Variants in LRP4 observed in about 807,000 individuals in gnomAD.
The protein encoded by LRP4 is low-density lipoprotein receptor-related protein 4.
LRP4 carries 95 observed loss-of-function variants against 220.3 expected under a neutral mutation model. That is an observed-to-expected ratio of 0.43 (90% CI 0.37 to 0.51). The LOEUF is 0.51. Among genes scored for constraint, LRP4 ranks in the 20% least tolerant of loss-of-function variants. The probability of loss-of-function intolerance (pLI) is 0.00; values close to 1 mark genes in which losing one functional copy is unlikely to be tolerated. For missense variants in LRP4, 1,925 were observed against 2,567.0 expected (o/e 0.75, Z 5.40); for synonymous variants, 903 against 954.6 (o/e 0.95, Z 1.00).
chr11:46,881,639 CT>C, intron 20 of LRP4, 62 bp downstream of exon 20: 1 of 1,494,738 alleles, frequency 6.7e-7, no homozygotes, highest in Non-Finnish European at 9.3e-7. Flanking sequence ...GTCCTGGAGG[CT>C]GTCAAGGCTG....
At chr11:46,865,301 C>T in intron 34 of LRP4, 115 bp from the exon 35 acceptor site, 4 of 750,046 alleles carry the variant, frequency 5.3e-6, no homozygotes. Context: ...TGAGAATGTA[C>T]AAGATGGAAG....
Position 46,875,429 on chromosome 11 carries a change from T to C in LRP4, c.3925+27A>G. 6.3e-7 allele frequency: 1 copy of C among 1,595,778 alleles called. No individual in the cohort carries two copies. Among genetic ancestry groups the C allele is most frequent in the Non-Finnish European group, 8.6e-7 (1 of 1,163,854 alleles). On this transcript the variant is annotated intron_variant, in intron 27 of 37. Transcript: ENST00000378623. This position sits in a 1 kb window ranked among gnomAD's most constrained non-coding sequence, Gnocchi z 4.5. Reference sequence around the variant, plus strand: ...GCCCCAGAAAGCCAGAGGCTCTGACTCACAGCCCCAGCCCTCTGACTCTCA... The same window carrying C: ...GCCCCAGAAAGCCAGAGGCTCTGACCCACAGCCCCAGCCCTCTGACTCTCA...
chr11:46,910,680 C>CTTTTTTATTT (rs1555175587), intron 1 of LRP4, among the ~76,000 whole-genome samples: 1 of 123,814 alleles, frequency 8.1e-6, no homozygotes, highest in African/African-American at 3.1e-5. Flanking sequence ...TCCTTGCCCC[C>CTTTTTTATTT]TTTTTTTTTT....
At position 46,874,807 on chromosome 11, in the gene LRP4, C is replaced by T. The variant is rs777975583; in HGVS notation, c.4222G>A (p.Val1408Ile). The change falls in exon 28 of 38, where the codon GTT becomes ATT. Residue 1408 changes from valine (V) to isoleucine (I), a missense_variant. This residue lies in a region of LRP4 where 1,244 missense variants were observed against 1,624.9 expected (regional missense o/e 0.77). Coordinates refer to ENST00000378623, the MANE Select transcript of LRP4 (RefSeq NM_002334.4). ...TTTCAGTGTTGCTCATACCTGATAA[C>T]ATCCAGGAACACATCTGTGTAATAG... ...KVYYTDVFLD[V>I]IRRADLNGSN... 4.0e-5 allele frequency: 65 copies of T among 1,613,540 alleles called. No homozygotes were observed. The highest frequency in any genetic ancestry group is 5.5e-5 in the Non-Finnish European group (65 of 1,179,546).
Position 46,876,585 on chromosome 11 carries a change from G to A in LRP4, c.3417C>T (p.Tyr1139=). The A allele has an allele frequency of 4.3e-6, 7 of 1,614,202 alleles. No individual in the cohort carries two copies. The East Asian group carries it at 6.7e-5, about 15-fold the overall frequency. The change falls in exon 25 of 38, where the codon TAC becomes TAT. Residue 1139 remains tyrosine, a synonymous_variant. Transcript: ENST00000378623. ...TCCGGTTTGTTCCCGTGTCTGTCCA[G>A]TATACTTTCCGGCCAATGGCATCAA... The part of the protein sequence containing the change: ...LAVDAIGRKV[Y]WTDTGTNRIE...
At chr11:46,895,358 C>A in intron 10 of LRP4, 67 bp from the exon 11 acceptor site, 2 of 1,598,290 alleles carry the variant, frequency 1.3e-6, no homozygotes. Flanking sequence ...CCCAGGCTGC[C>A]GAGCTGCTTT....
At chr11:46,886,241 AT>A in intron 17 of LRP4, 69 bp from the exon 18 acceptor site, 1 of 1,599,600 alleles carries the variant, frequency 6.3e-7, no homozygotes, top group Non-Finnish European at 8.6e-7. Flanking sequence ...AACTCCACCA[AT>A]TCTCAAGGTT....
chr11:46,891,941 CT>C, intron 13 of LRP4, among the ~76,000 whole-genome samples: 5 of 152,000 alleles, frequency 3.3e-5, no homozygotes, highest in Admixed American at 3.3e-4. Flanking sequence ...ATTTATTTAA[CT>C]TTTTTTGAGA....
intron 22 of LRP4, among the ~76,000 whole-genome samples, chr11:46,878,578 G>A (rs1941073895): frequency 6.6e-6 from 1 of 152,096 alleles, no homozygotes; most frequent in Non-Finnish European, 1.5e-5. Flanking sequence ...CCAGCCAGAA[G>A]TGTCTTATTC....
At chr11:46,902,104 T>C (rs1941676529) in intron 2 of LRP4, among the ~76,000 whole-genome samples, 1 of 149,096 alleles carries the variant, frequency 6.7e-6, no homozygotes, top group South Asian at 2.3e-4. Context: ...ATGCCTGTAA[T>C]CCCAGCACTT....
Position 46,873,499 on chromosome 11 carries a change from G to A in LRP4, c.4324C>T (p.Leu1442=). The change falls in exon 29 of 38, where the codon CTG becomes TTG. Residue 1442 remains leucine, a synonymous_variant. Transcript: ENST00000378623. The surrounding 1 kb of genome is among the most constrained non-coding windows in gnomAD (Gnocchi z 4.2). ...TTTCGACCTGTGTCTGTCCAGTACA[G>A]GTTCCTGGCCACCCAGTCCACTGCC... ...GLAVDWVARN[L]YWTDTGRNTI... is the part of the protein sequence containing the mutation. 2 of 1,614,224 alleles carry A rather than the reference G, an allele frequency of 1.2e-6. No homozygotes were observed. Among genetic ancestry groups the A allele is most frequent in the South Asian group, 1.1e-5 (1 of 91,080 alleles).
At chr11:46,909,558 T>C (rs1401317647) in intron 1 of LRP4, among the ~76,000 whole-genome samples, 2 of 99,772 alleles carry the variant, frequency 2.0e-5, no homozygotes, top group African/African-American at 4.1e-5. Flanking sequence ...TGAGCCGAGA[T>C]TGCGCCACTG....
intron 35 of LRP4, 112 bp from the exon 36 acceptor site, chr11:46,864,647 A>G (rs1362389218): frequency 2.6e-6 from 2 of 766,128 alleles, no homozygotes. Flanking sequence ...ACCCCATACC[A>G]TCTGAGGATG....
At chr11:46,915,173 G>A (rs990343559) in intron 1 of LRP4, among the ~76,000 whole-genome samples, 9 of 152,172 alleles carry the variant, frequency 5.9e-5, no homozygotes, top group Non-Finnish European at 1.3e-4. Context: ...ACAGATCAGG[G>A]ACAAGGTCAC....
rs755608933 is a variant in LRP4, at chr11:46,899,523, C to T, written c.431-20G>A. Reference sequence around the variant, plus strand: ...GCATGTCTGGGGGGATGCGATGGGACAGCAGTTCTGAGGGGGCCCCACAGG... The same window carrying T: ...GCATGTCTGGGGGGATGCGATGGGATAGCAGTTCTGAGGGGGCCCCACAGG... On this transcript the variant is annotated intron_variant, in intron 4 of 37. Transcript: ENST00000378623. The surrounding 1 kb of genome is among the most constrained non-coding windows in gnomAD (Gnocchi z 5.9). 5.7e-6 allele frequency: 9 copies of T among 1,573,458 alleles called. No individual in the cohort carries two copies. The South Asian group carries it at 7.7e-5, about 14-fold the overall frequency.
chr11:46,877,024 T>C (rs1002445972), intron 23 of LRP4, among the ~76,000 whole-genome samples, 175 bp downstream of exon 23: 1 of 151,992 alleles, frequency 6.6e-6, no homozygotes, highest in African/African-American at 2.4e-5. Flanking sequence ...CCCCAAACCA[T>C]GCTCTCACAA....
At chr11:46,892,160 T>C (rs1941437392) in intron 13 of LRP4, among the ~76,000 whole-genome samples, 1 of 152,204 alleles carries the variant, frequency 6.6e-6, no homozygotes, top group African/African-American at 2.4e-5. Context: ...CTTGAACTCC[T>C]GGACTCAAGT....
Position 46,883,955 on chromosome 11 carries a change from G to T in LRP4, c.2528C>A (p.Ala843Asp). 1 of 1,614,044 alleles carries T rather than the reference G, an allele frequency of 6.2e-7. No homozygotes were observed. The highest frequency in any genetic ancestry group is 8.5e-7 in the Non-Finnish European group (1 of 1,179,908). ...TDAGTDRIEV[A>D]NTDGSMRTVL... ...TGTTCTCATGCTGCCATCTGTGTTG[G>T]CTACTTCAATCCGGTCTGTACCTAT... Residue 843 changes from alanine to aspartate, a missense_variant, in exon 19 of 38, where the codon GCC becomes GAC. Physicochemically the swap from Ala to Asp is moderately radical, Grantham distance 126. This residue lies in a region of LRP4 where 1,244 missense variants were observed against 1,624.9 expected (regional missense o/e 0.77). Transcript: ENST00000378623.
Position 46,890,460 on chromosome 11 carries a change from G to A in LRP4, c.1732C>T (p.Arg578Cys), listed in dbSNP as rs1249967861. 8.1e-6 allele frequency: 13 copies of A among 1,613,370 alleles called. No homozygotes were observed. The highest frequency in any genetic ancestry group is 1.7e-5 in the Admixed American group (1 of 59,992). Reference protein sequence around the residue: ...IYWTDWGNTPRIEASSMDGSG... With the variant: ...IYWTDWGNTPCIEASSMDGSG... ...CCATCCATGCTGGAGGCCTCAATAC[G>A]GGGGGTGTTGCCCCAGTCTGTCCAG... The change falls in exon 14 of 38, where the codon CGT becomes TGT. Residue 578 changes from arginine (R) to cysteine (C), a missense_variant. This residue lies in a region of LRP4 where 269 missense variants were observed against 436.7 expected (regional missense o/e 0.62). Transcript: ENST00000378623. The surrounding 1 kb of genome is among the most constrained non-coding windows in gnomAD (Gnocchi z 5.3).
Sources: gnomAD v4.1 joint callset for allele counts (sites outside exome capture counted in the v4.1 genomes callset) on GRCh38, gnomAD v4.1.1 for gene constraint, gnomAD v4.1.1 regional missense constraint, Gnocchi (gnomAD v3.1) non-coding constraint, MANE v1.5 for transcripts, NCBI Gene and HGNC (gene_info 2026-07-23, HGNC 2026-07-21) for gene names.